Variants in B4GALNT2 observed in about 807,000 individuals in gnomAD.
B4GALNT2 encodes the protein N-acetylneuraminylgalactosylglucosyl-glucoside beta-1,4-N- acetylgalactosaminyltransferase 2.
A neutral mutation model predicts 51.1 loss-of-function variants in B4GALNT2; 42 were observed. The ratio of observed to expected loss-of-function variants is 0.82; its 90% CI spans 0.64 to 1.06. The LOEUF is 1.06. Among genes scored for constraint, B4GALNT2 ranks in the 50% least tolerant of loss-of-function variants. B4GALNT2 has a pLI of 0.00. For missense variants in B4GALNT2, 602 were observed against 633.6 expected (o/e 0.95, Z 0.54); for synonymous variants, 253 against 251.7 (o/e 1.01, Z -0.05).
intron 1 of B4GALNT2, among the ~76,000 whole-genome samples, chr17:49,137,691 C>A (rs1213815890): frequency 1.3e-5 from 2 of 152,154 alleles, no homozygotes; most frequent in African/African-American, 4.8e-5. Flanking sequence ...GAAAAAAACA[C>A]ATTTTACCAA....
chr17:49,173,768 C>T lies in B4GALNT2; in HGVS notation c.*4040C>T, dbSNP rs1243356784. Reference sequence around the variant, plus strand: ...GTATGTGGAAGAAAAAGCCGCTCTACAAGATCTTGCTCTTGAACAATAACA... The same window carrying T: ...GTATGTGGAAGAAAAAGCCGCTCTATAAGATCTTGCTCTTGAACAATAACA... On this transcript the variant is annotated 3_prime_UTR_variant, in exon 11 of 11. Transcript: ENST00000393354. The T allele has an allele frequency of 6.6e-6, 1 of 152,186 alleles. No homozygotes were observed. The highest frequency in any genetic ancestry group is 1.5e-5 in the Non-Finnish European group (1 of 68,032). The allele number at this position is 152,186 out of a possible 1,614,324, so 9.4% of individuals were successfully genotyped here.
chr17:49,166,920 G>A (rs1348920129), intron 9 of B4GALNT2, among the ~76,000 whole-genome samples: 1 of 152,180 alleles, frequency 6.6e-6, no homozygotes, highest in Non-Finnish European at 1.5e-5. Flanking sequence ...AGTGAGCTGA[G>A]ATTATGTCAC....
intron 3 of B4GALNT2, among the ~76,000 whole-genome samples, chr17:49,145,316 C>A (rs896141184): frequency 4.6e-5 from 7 of 152,138 alleles, no homozygotes; most frequent in African/African-American, 1.7e-4. Flanking sequence ...AATCCCCAAC[C>A]CAAATACTAT....
intron 5 of B4GALNT2, among the ~76,000 whole-genome samples, chr17:49,157,504 TAG>T (rs2042822461): frequency 6.6e-6 from 1 of 152,134 alleles, no homozygotes; most frequent in African/African-American, 2.4e-5. Flanking sequence ...GTATTTTTAG[TAG>T]AGACAGGGTT....
intron 4 of B4GALNT2, among the ~76,000 whole-genome samples, chr17:49,153,431 T>A (rs943182437): frequency 1.1e-4 from 16 of 151,704 alleles, no homozygotes; most frequent in Admixed American, 7.2e-4. Context: ...AGATAAAAAA[T>A]AAATAAATAA....
chr17:49,158,816 C>A (rs1487230193), intron 5 of B4GALNT2, among the ~76,000 whole-genome samples: 2 of 151,962 alleles, frequency 1.3e-5, no homozygotes, highest in African/African-American at 4.8e-5. Context: ...AGAAATGGGT[C>A]CTTTCATCCT....
chr17:49,166,947 C>T (rs1029001796), intron 9 of B4GALNT2, among the ~76,000 whole-genome samples: 18 of 151,982 alleles, frequency 1.2e-4, no homozygotes, highest in African/African-American at 3.4e-4. Flanking sequence ...CCAGCCTGGA[C>T]GACAGAGTGA....
At chr17:49,137,703 A>C (rs2042603347) in intron 1 of B4GALNT2, among the ~76,000 whole-genome samples, 1 of 152,230 alleles carries the variant, frequency 6.6e-6, no homozygotes, top group East Asian at 1.9e-4. Context: ...TTTTACCAAA[A>C]ATATTTAATT....
At chr17:49,127,025 A>G in the B4GALNT2 span, among the ~76,000 whole-genome samples, 1 of 152,186 alleles carries the variant, frequency 6.6e-6, no homozygotes, top group Admixed American at 6.5e-5. Context: ...TTTCTTGCAT[A>G]AATTCCCTTT....
At chr17:49,142,775 C>T (rs1391368211) in intron 3 of B4GALNT2, among the ~76,000 whole-genome samples, 1 of 152,132 alleles carries the variant, frequency 6.6e-6, no homozygotes, top group Non-Finnish European at 1.5e-5. Context: ...GTGGTACATC[C>T]TCCATGCACC....
intron 10 of B4GALNT2, 111 bp from the exon 11 acceptor site, chr17:49,169,412 C>G: frequency 9.8e-7 from 1 of 1,020,442 alleles, no homozygotes; most frequent in Non-Finnish European, 1.5e-6. Context: ...CTGAACCTCC[C>G]CAGTGTATGA....
At chr17:49,121,771 C>T in the B4GALNT2 span, among the ~76,000 whole-genome samples, 1 of 152,186 alleles carries the variant, frequency 6.6e-6, no homozygotes, top group African/African-American at 2.4e-5. Flanking sequence ...CTCAGACTGA[C>T]CCCAGACAGG....
At chr17:49,162,403 A>G (rs928018622) in intron 7 of B4GALNT2, among the ~76,000 whole-genome samples, 2 of 152,176 alleles carry the variant, frequency 1.3e-5, no homozygotes, top group African/African-American at 4.8e-5. Flanking sequence ...CTTTCACATC[A>G]AAAGGTTTTG....
chr17:49,155,706 A>C (rs1178085063), intron 4 of B4GALNT2, among the ~76,000 whole-genome samples: 1 of 149,652 alleles, frequency 6.7e-6, no homozygotes, highest in African/African-American at 2.4e-5. Context: ...TAAACATAAA[A>C]TCAACAACTT....
In B4GALNT2 at chr17:49,172,725, TAGA is replaced by T. The variant is rs1286536856; in HGVS notation, c.*3000_*3002del. 3.9e-5 allele frequency: 6 copies of T among 152,132 alleles called. No homozygotes were observed. Among genetic ancestry groups the T allele is most frequent in the African/African-American group, 1.4e-4 (6 of 41,422 alleles). 9.4% of individuals were successfully genotyped at this position (152,132 alleles called of 1,614,324 possible). A position where few individuals can be genotyped will look rare whatever the true frequency, so the allele number is the denominator to read the frequency against. On this transcript the variant is annotated 3_prime_UTR_variant, in exon 11 of 11. Transcript: ENST00000393354. ...CAGCCTGGGGCATTATCTGTTTTAA[TAGA>T]AGCTGGAATGCCCATCACCGCAAAA...
the B4GALNT2 span, among the ~76,000 whole-genome samples, chr17:49,126,724 A>C: frequency 2.1e-5 from 3 of 145,298 alleles, no homozygotes; most frequent in East Asian, 4.0e-4. Context: ...ATATTGGTGC[A>C]ATCTCGGCTC....
chr17:49,132,286 G>C (rs949101381), upstream of B4GALNT2, among the ~76,000 whole-genome samples: 3 of 152,150 alleles, frequency 2.0e-5, no homozygotes, highest in African/African-American at 7.2e-5. Flanking sequence ...AGGCACACAG[G>C]CGTTATGTGG....
chr17:49,129,099 G>A (rs915367081), upstream of B4GALNT2, among the ~76,000 whole-genome samples: 4 of 152,200 alleles, frequency 2.6e-5, no homozygotes, highest in African/African-American at 9.7e-5. Context: ...CTGGATTAGT[G>A]TCTGATGTTG....
intron 1 of B4GALNT2, among the ~76,000 whole-genome samples, chr17:49,135,858 T>C (rs187568269): frequency 1.5e-3 from 228 of 151,604 alleles, no homozygotes; most frequent in African/African-American, 5.1e-3. Context: ...GGTCAGAAGA[T>C]CTAGACCATC....
Sources: allele counts gnomAD v4.1 joint callset (sites outside exome capture counted in the v4.1 genomes callset), GRCh38; gene constraint gnomAD v4.1.1; transcripts MANE v1.5; gene names NCBI Gene and HGNC (gene_info 2026-07-23, HGNC 2026-07-21).